MCF2: variants seen among roughly 807,000 people sequenced by gnomAD.
The protein encoded by MCF2 is proto-oncogene DBL.
MCF2 carries 44 observed loss-of-function variants against 82.5 expected under a neutral mutation model. The observed-to-expected ratio is 0.53, with a 90% CI of 0.42 to 0.69. MCF2 has a LOEUF of 0.69. Ranked by LOEUF, MCF2 falls within the 30% of genes least tolerant of loss-of-function variation. MCF2 has a pLI of 0.00. For synonymous variants in MCF2, 217 were observed against 224.9 expected (o/e 0.96, Z 0.32); for missense variants, 623 against 663.1 (o/e 0.94, Z 0.66).
At chrX:139,690,131 C>T (rs974035776) in intron 1 of MCF2, among the ~76,000 whole-genome samples, 4 of 111,185 alleles carry the variant, frequency 3.6e-5, no homozygotes, top group African/African-American at 1.3e-4. Context: ...CACAGCACAG[C>T]AACTGGTGTC....
chrX:139,604,781 T>C (rs768425351), intron 14 of MCF2, 31 bp from the exon 19 acceptor site: 3 of 1,118,125 alleles, frequency 2.7e-6, no homozygotes, highest in Non-Finnish European at 3.6e-6. Flanking sequence ...AAAAATTGCA[T>C]GATTTTATGT....
intron 1 of MCF2, among the ~76,000 whole-genome samples, chrX:139,690,695 G>C (rs2037637658): frequency 9.0e-6 from 1 of 111,593 alleles, no homozygotes; most frequent in African/African-American, 3.3e-5. Flanking sequence ...ACTGAATAGG[G>C]AGGTATATTT....
chrX:139,622,739 G>C (rs970487046), intron 6 of MCF2, among the ~76,000 whole-genome samples: 2 of 109,069 alleles, frequency 1.8e-5, no homozygotes, highest in African/African-American at 6.7e-5. Context: ...TGTGGGGTGG[G>C]GGGCGAGGGG....
At chrX:139,648,297 G>A (rs1240423019) in intron 2 of MCF2, among the ~76,000 whole-genome samples, 1 of 110,619 alleles carries the variant, frequency 9.0e-6, no homozygotes, top group Non-Finnish European at 1.9e-5. Flanking sequence ...GCTTGAACCT[G>A]GGAGGCAAAG....
At chrX:139,607,597 G>T in intron 12 of MCF2, 94 bp downstream of exon 16, 2 of 567,936 alleles carry the variant, frequency 3.5e-6, no homozygotes, top group Non-Finnish European at 5.4e-6. Context: ...CCCATTCTGT[G>T]AACTCAAATT....
In MCF2 at chrX:139,685,015, C is replaced by T. The variant is rs1049040232; in HGVS notation, c.-45+23091G>A. 5.4e-5 allele frequency among the ~76,000 whole-genome samples: 6 copies of T among 111,192 alleles called. No homozygotes were observed. In the East Asian group the frequency reaches 1.4e-3, roughly 26 times the overall value. On this transcript the variant is annotated intron_variant, in intron 1 of 27. Coordinates refer to the MCF2 transcript ENST00000414978. ...TACAAAAGCTATTTTTAAAAATAGG[C>T]TCTCATATATGACAAACAGATAGCC...
At chrX:139,653,127 C>A (rs1456116291) in intron 1 of MCF2, among the ~76,000 whole-genome samples, 1 of 111,760 alleles carries the variant, frequency 8.9e-6, no homozygotes, top group African/African-American at 3.3e-5. Context: ...CGCAGTTATT[C>A]TTTCCATGCT....
intron 1 of MCF2, among the ~76,000 whole-genome samples, chrX:139,641,114 T>C (rs1219469619): frequency 2.8e-5 from 3 of 108,789 alleles, no homozygotes; most frequent in Non-Finnish European, 3.8e-5. Flanking sequence ...GCTGTATTTA[T>C]TGTGTGTATA....
intron 17 of MCF2, 81 bp downstream of exon 21, chrX:139,598,325 T>C: frequency 4.7e-6 from 3 of 638,664 alleles, no homozygotes; most frequent in Non-Finnish European, 2.5e-6. Flanking sequence ...TAGTGCTTCC[T>C]AGTAAACTAT....
chrX:139,699,748 C>G lies in MCF2; in HGVS notation c.-45+8358G>C, dbSNP rs754517554. Among the ~76,000 whole-genome samples, 5 of 112,222 alleles carry G rather than the reference C, an allele frequency of 4.5e-5. No individual in the cohort carries two copies. The East Asian group carries it at 1.1e-3, about 25-fold the overall frequency. Reference sequence around the variant, plus strand: ...GACCATATTTTGTTTATTCATTCATCAGTTGATAGATACCATGTTTTTTAA... The same window carrying G: ...GACCATATTTTGTTTATTCATTCATGAGTTGATAGATACCATGTTTTTTAA... On this transcript the variant is annotated intron_variant, in intron 1 of 27. Coordinates refer to the MCF2 transcript ENST00000414978.
At chrX:139,652,971 A>T in intron 1 of MCF2, among the ~76,000 whole-genome samples, 1 of 111,985 alleles carries the variant, frequency 8.9e-6, no homozygotes, top group Middle Eastern at 4.6e-3. Flanking sequence ...AACATAAAGC[A>T]ATTTTAATTG....
upstream of MCF2, among the ~76,000 whole-genome samples, chrX:139,644,845 T>C (rs1331629966): frequency 1.8e-5 from 2 of 112,012 alleles, no homozygotes; most frequent in Non-Finnish European, 3.8e-5. Flanking sequence ...ACATGGCACT[T>C]CCACAGAGAG....
chrX:139,671,511 C>A (rs1407753527), intron 1 of MCF2, among the ~76,000 whole-genome samples: 1 of 111,439 alleles, frequency 9.0e-6, no homozygotes. Context: ...GGAAGGGATC[C>A]AGTTTCAGCT....
intron 4 of MCF2, among the ~76,000 whole-genome samples, chrX:139,628,632 G>GA (rs1351535848): frequency 8.1e-5 from 9 of 111,131 alleles, no homozygotes; most frequent in Non-Finnish European, 1.1e-4. Context: ...ATAAAAGTTG[G>GA]AAAAAAACTC....
At chrX:139,602,558 A>G (rs1930648443) in intron 15 of MCF2, 60 bp from the exon 20 acceptor site, 2 of 805,837 alleles carry the variant, frequency 2.5e-6, no homozygotes, top group Middle Eastern at 2.9e-4. Context: ...TTTGCCATCA[A>G]GAAAGGCTAA....
chrX:139,682,478 C>T (rs913057819), intron 1 of MCF2, among the ~76,000 whole-genome samples: 19 of 112,303 alleles, frequency 1.7e-4, no homozygotes, highest in Admixed American at 4.7e-4. Context: ...GAACTACATA[C>T]GTGGTGATTT....
At chrX:139,692,031 G>C in intron 1 of MCF2, 2 of 1,165,961 alleles carry the variant, frequency 1.7e-6, no homozygotes, top group East Asian at 3.3e-5. Flanking sequence ...CTGGGCTATC[G>C]GCATGAAAGT....
intron 1 of MCF2, among the ~76,000 whole-genome samples, chrX:139,687,034 C>A (rs1361216233): frequency 1.2e-5 from 1 of 85,523 alleles, no homozygotes; most frequent in Admixed American, 1.5e-4. Flanking sequence ...CATGCAGGCA[C>A]GCATGCACAC....
At chrX:139,688,990 G>A (rs1369588017) in intron 1 of MCF2, among the ~76,000 whole-genome samples, 16 of 111,843 alleles carry the variant, frequency 1.4e-4, no homozygotes, top group Non-Finnish European at 9.4e-5. Context: ...CATTCCCTGT[G>A]TTAATGGCAT....
Sources: allele counts gnomAD v4.1 joint callset (sites outside exome capture counted in the v4.1 genomes callset), GRCh38; gene constraint gnomAD v4.1.1; transcripts MANE v1.5; gene names NCBI Gene and HGNC (gene_info 2026-07-23, HGNC 2026-07-21).